BRK1: variants seen among roughly 807,000 people sequenced by gnomAD.
BRK1 encodes the protein protein BRICK1.
BRK1 carries 6 observed loss-of-function variants against 9.9 expected under a neutral mutation model. That is an observed-to-expected ratio of 0.60 (90% CI 0.33 to 1.19). The LOEUF (loss-of-function observed/expected upper bound fraction) is 1.19. Ranked by LOEUF, BRK1 falls within the 50% of genes most tolerant of loss-of-function variation. The probability of loss-of-function intolerance (pLI) is 0.04; values close to 1 mark genes in which losing one functional copy is unlikely to be tolerated. For synonymous variants in BRK1, 44 were observed against 31.9 expected (o/e 1.38, Z -1.28); for missense variants, 62 against 97.5 (o/e 0.64, Z 1.53).
intron 1 of BRK1, among the ~76,000 whole-genome samples, chr3:10,121,102 C>T (rs1032016136): frequency 6.6e-6 from 1 of 151,780 alleles, no homozygotes; most frequent in Non-Finnish European, 1.5e-5. Context: ...GCAGCACAAG[C>T]GTAAAAAGAA....
At chr3:10,122,601 AT>A (rs1040233446) in intron 1 of BRK1, among the ~76,000 whole-genome samples, 1 of 152,102 alleles carries the variant, frequency 6.6e-6, no homozygotes, top group African/African-American at 2.4e-5. Context: ...CTGAGTAGTA[AT>A]TGCAGCTACT....
Position 10,116,943 on chromosome 3 carries a change from GTT to G in BRK1, c.118+1126_118+1127del, listed in dbSNP as rs1277669083. Among the ~76,000 whole-genome samples the G allele has an allele frequency of 5.3e-5, 8 of 152,280 alleles. No individual in the cohort carries two copies. In the East Asian group the frequency reaches 1.5e-3, roughly 29 times the overall value. On this transcript the variant is annotated intron_variant, in intron 1 of 2. Coordinates refer to ENST00000530758, the MANE Select transcript of BRK1 (RefSeq NM_018462.5). ...GTATTAAAGTATTTTCATACAGGGTGTTTAGGACTATAATCGTGGCTGAGTTC... is the reference window on the plus strand; with the variant it reads ...GTATTAAAGTATTTTCATACAGGGTGTAGGACTATAATCGTGGCTGAGTTC...
At chr3:10,123,195 G>T (rs1040539267) in intron 1 of BRK1, among the ~76,000 whole-genome samples, 4 of 152,156 alleles carry the variant, frequency 2.6e-5, no homozygotes, top group African/African-American at 7.2e-5. Context: ...ATTAAATCTG[G>T]TTTCATTTTG....
chr3:10,125,080 AT>A (rs1406738211), intron 1 of BRK1, among the ~76,000 whole-genome samples: 10 of 152,088 alleles, frequency 6.6e-5, no homozygotes, highest in Non-Finnish European at 1.5e-4. Flanking sequence ...TGTATAATCC[AT>A]ATTCACAGGA....
rs779426546 is a variant in BRK1, at chr3:10,125,682, C to A, written c.175C>A (p.Arg59=). The A allele has an allele frequency of 1.2e-6, 2 of 1,612,598 alleles. No homozygotes were observed. The highest frequency in any genetic ancestry group is 1.7e-6 in the Non-Finnish European group (2 of 1,179,246). The change falls in exon 2 of 3, where the codon CGG becomes AGG. Residue 59 remains arginine, a synonymous_variant. Transcript: ENST00000530758. ...TLNEKLTALE[R]RIEYIEARVT... is the part of the protein sequence containing the mutation. The stretch of plus-strand genomic sequence containing the variant: ...AAACGAGAAATTGACAGCCCTTGAA[C>A]GGAGAATAGAGTACATTGAAGCTCG...
At position 10,115,772 on chromosome 3, in the gene BRK1, T is replaced by TA; in HGVS notation, c.73dup (p.Ile25AsnfsTer34). 1 of 1,613,938 alleles carries TA rather than the reference T, an allele frequency of 6.2e-7. No homozygotes were observed. The highest frequency in any genetic ancestry group is 8.5e-7 in the Non-Finnish European group (1 of 1,179,878). ...TGGGCTAACCGGGAGTACATTGAGA[T>TA]AATCACCAGCAGCATCAAGAAAATC... On this transcript the variant is annotated frameshift_variant, in exon 1 of 3. Coordinates refer to ENST00000530758, the MANE Select transcript of BRK1 (RefSeq NM_018462.5). LOFTEE classifies it high-confidence loss of function.
At chr3:10,126,185 C>T in intron 2 of BRK1, 84 bp from the exon 3 acceptor site, 1 of 933,014 alleles carries the variant, frequency 1.1e-6, no homozygotes. Context: ...CTATTTCTCA[C>T]TGCCTAGGAT....
chr3:10,120,187 G>C (rs1224429479), intron 1 of BRK1, among the ~76,000 whole-genome samples: 1 of 149,974 alleles, frequency 6.7e-6, no homozygotes, highest in African/African-American at 2.5e-5. Flanking sequence ...GCGCCACCAC[G>C]CCTGGCTAAT....
intron 1 of BRK1, among the ~76,000 whole-genome samples, chr3:10,120,143 C>G (rs894317949): frequency 6.6e-6 from 1 of 151,998 alleles, no homozygotes; most frequent in Admixed American, 6.6e-5. Context: ...GATTCTTCTG[C>G]CTCAGCCTCC....
chr3:10,118,374 T>C (rs771236533), intron 1 of BRK1, among the ~76,000 whole-genome samples: 7 of 152,164 alleles, frequency 4.6e-5, no homozygotes, highest in Non-Finnish European at 8.8e-5. Flanking sequence ...GTCTTGGTAT[T>C]GAATGAGTCA....
rs1695848489 is a variant in BRK1 at position 10,126,868 on chromosome 3, C to G, written c.*573C>G. On this transcript the variant is annotated 3_prime_UTR_variant, in exon 3 of 3. Transcript: ENST00000530758. ...CATTTTCAGACTTTTCTTTCTGTCACTTGGAGTGTCTATGCCTCTCATATT... is the reference window on the plus strand; with the variant it reads ...CATTTTCAGACTTTTCTTTCTGTCAGTTGGAGTGTCTATGCCTCTCATATT... The G allele has an allele frequency of 6.5e-6, 1 of 152,950 alleles. No individual in the cohort carries two copies. The highest frequency in any genetic ancestry group is 1.5e-5 in the Non-Finnish European group (1 of 68,268). The allele number at this position is 152,950 out of a possible 1,614,324, so 9.5% of individuals were successfully genotyped here. A position where few individuals can be genotyped will look rare whatever the true frequency, so the allele number is the denominator to read the frequency against.
chr3:10,122,748 T>A (rs1695775696), intron 1 of BRK1, among the ~76,000 whole-genome samples: 1 of 151,890 alleles, frequency 6.6e-6, no homozygotes, highest in South Asian at 2.1e-4. Flanking sequence ...CATCCGTAAA[T>A]GTTTAGATAA....
intron 2 of BRK1, among the ~76,000 whole-genome samples, chr3:10,125,979 T>A (rs562666767): frequency 1.7e-4 from 26 of 152,228 alleles, no homozygotes; most frequent in African/African-American, 5.5e-4. Flanking sequence ...TTGTCCCAGC[T>A]ACTCGGGAGG....
In BRK1 at chr3:10,126,828, C is replaced by T. The variant is rs1695848035; in HGVS notation, c.*533C>T. Reference sequence around the variant, plus strand: ...TGGAGAGGTCAAGGCCAGGCCCCCACTTGGCTTGAAGGGACATTTTCAGAC... The same window carrying T: ...TGGAGAGGTCAAGGCCAGGCCCCCATTTGGCTTGAAGGGACATTTTCAGAC... On this transcript the variant is annotated 3_prime_UTR_variant, in exon 3 of 3. Transcript: ENST00000530758. 1.3e-5 allele frequency: 2 copies of T among 152,998 alleles called. No homozygotes were observed. The highest frequency in any genetic ancestry group is 1.9e-4 in the East Asian group (1 of 5,210). 9.5% of individuals were successfully genotyped at this position (152,998 alleles called of 1,614,324 possible).
chr3:10,116,163 G>A (rs1208160263), intron 1 of BRK1, among the ~76,000 whole-genome samples: 4 of 151,998 alleles, frequency 2.6e-5, no homozygotes, highest in African/African-American at 9.7e-5. Flanking sequence ...ATCCATTCCG[G>A]TCCCCACTTT....
chr3:10,125,567 T>C (rs1695827494), intron 1 of BRK1, 59 bp from the exon 2 acceptor site: 1 of 982,654 alleles, frequency 1.0e-6, no homozygotes, highest in Admixed American at 2.1e-5. Context: ...AGGTGTTGTG[T>C]GTGTCTGTGT....
intron 1 of BRK1, among the ~76,000 whole-genome samples, chr3:10,116,121 TA>T (rs1214436866): frequency 6.6e-6 from 1 of 152,166 alleles, no homozygotes; most frequent in African/African-American, 2.4e-5. Context: ...GTTCTTCTCC[TA>T]AGTGGTCTCC....
At position 10,126,305 on chromosome 3, in the gene BRK1, G is replaced by A. The variant is rs750585206; in HGVS notation, c.*10G>A. 21 of 1,576,712 alleles carry A rather than the reference G, an allele frequency of 1.3e-5. No individual in the cohort carries two copies. Among genetic ancestry groups the A allele is most frequent in the South Asian group, 4.7e-5 (4 of 85,682 alleles). On this transcript the variant is annotated 3_prime_UTR_variant, in exon 3 of 3. Transcript: ENST00000530758. ...TGAGACACTCACCTAGAACAGTGCC[G>A]TGCTGCTGCTGGGAAGTTGCTTTAC...
At chr3:10,118,741 A>G (rs1208361365) in intron 1 of BRK1, among the ~76,000 whole-genome samples, 1 of 151,484 alleles carries the variant, frequency 6.6e-6, no homozygotes, top group Non-Finnish European at 1.5e-5. Flanking sequence ...CCTCTGTTCA[A>G]CCTCCCAAAG....
Sources: gnomAD v4.1 joint callset for allele counts (sites outside exome capture counted in the v4.1 genomes callset) on GRCh38, gnomAD v4.1.1 for gene constraint, MANE v1.5 for transcripts, NCBI Gene and HGNC (gene_info 2026-07-23, HGNC 2026-07-21) for gene names.